SRPK2: variants seen among roughly 807,000 people sequenced by gnomAD.
SRPK2 encodes the protein SRSF protein kinase 2, also known as SFRS protein kinase 2.
In SRPK2, 21 loss-of-function variants were observed where a neutral mutation model predicts 90.8. The observed-to-expected ratio is 0.23, with a 90% confidence interval of 0.16 to 0.33. The LOEUF (loss-of-function observed/expected upper bound fraction) is 0.33, where lower values mean the gene tolerates loss of function less well. Among genes scored for constraint, SRPK2 ranks in the 10% least tolerant of loss-of-function variants. The pLI, the probability that SRPK2 is intolerant of heterozygous loss-of-function variation, is 1.00. For missense variants in SRPK2, 620 were observed against 869.0 expected (o/e 0.71, Z 3.60); for synonymous variants, 288 against 311.1 (o/e 0.93, Z 0.78).
intron 2 of SRPK2, among the ~76,000 whole-genome samples, chr7:105,365,986 C>G (rs1195431239): frequency 6.6e-6 from 1 of 151,828 alleles, no homozygotes; most frequent in Admixed American, 6.6e-5. Flanking sequence ...TCCCAAGTAG[C>G]TGCGACTACA....
rs756935156 is a variant in SRPK2, at chr7:105,132,782, C to T, written c.1752+9G>A. The T allele has an allele frequency of 2.6e-5, 42 of 1,599,496 alleles. No individual in the cohort carries two copies. The highest frequency in any genetic ancestry group is 1.7e-4 in the Middle Eastern group (1 of 6,006). On this transcript the variant is annotated intron_variant, in intron 13 of 15. Coordinates refer to ENST00000393651, the MANE Select transcript of SRPK2 (RefSeq NM_182692.3). ...TTCCCATGGCAGCAAAGGGCACAGC[C>T]GTCCTTACCATACACGCCGTGCTCC...
intron 13 of SRPK2, among the ~76,000 whole-genome samples, chr7:105,130,051 C>G (rs142929884): frequency 6.6e-6 from 1 of 152,186 alleles, no homozygotes; most frequent in Non-Finnish European, 1.5e-5. Context: ...TGTACTTACA[C>G]TGGAAGGTGT....
chr7:105,272,836 T>C (rs1805995743), intron 2 of SRPK2, among the ~76,000 whole-genome samples: 1 of 152,202 alleles, frequency 6.6e-6, no homozygotes, highest in African/African-American at 2.4e-5. Flanking sequence ...TATATACTCC[T>C]GATCTCAGTG....
chr7:105,146,416 C>T (rs1804636324), intron 8 of SRPK2, 77 bp downstream of exon 8: 1 of 1,484,008 alleles, frequency 6.7e-7, no homozygotes, highest in East Asian at 2.3e-5. Flanking sequence ...ACGTTTGATT[C>T]AGATACCTTC....
intron 2 of SRPK2, among the ~76,000 whole-genome samples, chr7:105,349,715 T>C (rs897055438): frequency 2.6e-5 from 4 of 151,864 alleles, no homozygotes; most frequent in East Asian, 1.9e-4. Flanking sequence ...AAAGAGTAAA[T>C]AGCAAAGTTA....
intron 2 of SRPK2, among the ~76,000 whole-genome samples, chr7:105,284,718 G>A (rs768301071): frequency 7.2e-5 from 11 of 152,044 alleles, no homozygotes; most frequent in Non-Finnish European, 1.2e-4. Context: ...TTCTCACCTC[G>A]AGCATCAGTA....
At chr7:105,389,461 G>C, upstream of SRPK2, 3 of 1,157,524 alleles carry the variant, frequency 2.6e-6, no homozygotes, top group Non-Finnish European at 3.3e-6. Context: ...TGTGACCTTG[G>C]AGAAGTCATT....
intron 2 of SRPK2, among the ~76,000 whole-genome samples, chr7:105,290,267 A>T (rs1563198900): frequency 2.0e-5 from 3 of 151,270 alleles, no homozygotes; most frequent in East Asian, 1.9e-4. Flanking sequence ...ATTTGTATTA[A>T]AAAAAAAACA....
intron 2 of SRPK2, among the ~76,000 whole-genome samples, chr7:105,209,290 A>G (rs7794285): frequency 0.43 from 65,095 of 152,006 alleles, 15,834 homozygotes; most frequent in Non-Finnish European, 0.55. Context: ...TGGCCCCCAC[A>G]GGTGATCCCA....
chr7:105,339,982 C>T (rs1197757748), intron 2 of SRPK2, among the ~76,000 whole-genome samples: 1 of 151,112 alleles, frequency 6.6e-6, no homozygotes, highest in African/African-American at 2.4e-5. Flanking sequence ...CACTTGAGTC[C>T]AGGAGGCGGA....
chr7:105,125,568 G>A (rs1295367042), intron 15 of SRPK2, among the ~76,000 whole-genome samples: 5 of 152,118 alleles, frequency 3.3e-5, no homozygotes, highest in African/African-American at 7.2e-5. Context: ...AGAGAGAAGC[G>A]GAGGAGGAAA....
chr7:105,389,854 T>C (rs1371013822), upstream of SRPK2, among the ~76,000 whole-genome samples: 1 of 152,212 alleles, frequency 6.6e-6, no homozygotes, highest in Non-Finnish European at 1.5e-5. Flanking sequence ...TTCTGACTAT[T>C]AACTCCCTCA....
chr7:105,167,721 A>G (rs1790265673), intron 5 of SRPK2, among the ~76,000 whole-genome samples: 1 of 151,896 alleles, frequency 6.6e-6, no homozygotes, highest in Non-Finnish European at 1.5e-5. Context: ...AGTGATACTC[A>G]TGCCTCAGCC....
chr7:105,249,443 G>A (rs780295553), intron 2 of SRPK2, among the ~76,000 whole-genome samples: 5 of 151,724 alleles, frequency 3.3e-5, no homozygotes, highest in Non-Finnish European at 5.9e-5. Context: ...ACAGCTAGAA[G>A]AACAGTACTA....
intron 14 of SRPK2, 147 bp from the exon 15 acceptor site, chr7:105,126,487 G>A (rs1244186371): frequency 1.6e-6 from 1 of 643,690 alleles, no homozygotes; most frequent in Non-Finnish European, 2.7e-6. Context: ...AGAGGCTTGT[G>A]GGAATGGCAG....
intron 2 of SRPK2, among the ~76,000 whole-genome samples, chr7:105,209,583 AAAGGG>A (rs1251334135): frequency 6.6e-6 from 1 of 151,654 alleles, no homozygotes; most frequent in Non-Finnish European, 1.5e-5. Context: ...AGGAAAGGGG[AAAGGG>A]AAGGGAAGGG....
intron 2 of SRPK2, among the ~76,000 whole-genome samples, chr7:105,366,768 T>C (rs143014161): frequency 2.8e-4 from 42 of 152,380 alleles, no homozygotes; most frequent in Admixed American, 2.1e-3. Context: ...TTTTCATGCA[T>C]GCTGGTATAG....
intron 2 of SRPK2, among the ~76,000 whole-genome samples, chr7:105,230,931 G>A (rs1799350899): frequency 6.6e-6 from 1 of 152,144 alleles, no homozygotes; most frequent in African/African-American, 2.4e-5. Flanking sequence ...TTTATTACAA[G>A]CAAAATGTGT....
intron 2 of SRPK2, among the ~76,000 whole-genome samples, chr7:105,266,847 G>A (rs922059949): frequency 1.3e-5 from 2 of 152,080 alleles, no homozygotes; most frequent in Non-Finnish European, 2.9e-5. Context: ...AAAGACAAAT[G>A]ATTTGACTGT....
Sources: gnomAD v4.1 joint callset for allele counts (sites outside exome capture counted in the v4.1 genomes callset) on GRCh38, gnomAD v4.1.1 for gene constraint, MANE v1.5 for transcripts, NCBI Gene and HGNC (gene_info 2026-07-23, HGNC 2026-07-21) for gene names.